Variants in CSF1R observed in about 807,000 individuals in gnomAD.
The protein encoded by CSF1R is colony stimulating factor 1 receptor.
CSF1R carries 40 observed loss-of-function variants against 110.0 expected under a neutral mutation model. The ratio of observed to expected loss-of-function variants is 0.36; its 90% confidence interval spans 0.28 to 0.47. The LOEUF (loss-of-function observed/expected upper bound fraction) is 0.47. Ranked by LOEUF, CSF1R falls within the 20% of genes least tolerant of loss-of-function variation. CSF1R has a pLI of 0.99. For missense variants in CSF1R, 1,052 were observed against 1,253.0 expected (o/e 0.84, Z 2.42); for synonymous variants, 523 against 503.4 (o/e 1.04, Z -0.52).
chr5:150,079,927 A>C, intron 3 of CSF1R, 125 bp downstream of exon 3: 1 of 1,140,826 alleles, frequency 8.8e-7, no homozygotes, highest in Non-Finnish European at 1.2e-6. Flanking sequence ...TGAGGGGAAG[A>C]AGTGAAAGAA....
In CSF1R at chr5:150,094,834, C is replaced by T; in HGVS notation, c.-180-8227G>A. The T allele has an allele frequency of 2.3e-5, 29 of 1,286,668 alleles. 2 individuals are homozygous for T. The highest frequency in any genetic ancestry group is 3.2e-5 in the Non-Finnish European group (29 of 910,192). 79.7% of individuals were successfully genotyped at this position (1,286,668 alleles called of 1,614,324 possible). On this transcript the variant is annotated intron_variant, in intron 1 of 21. Transcript: ENST00000286301. ...ACAGATAACGCTTTGATTGCTCGAT[C>T]TCTTGGTAAATACGGCATCATCTGC...
In CSF1R at chr5:150,053,307, G is replaced by GTTAGT. The variant is rs1238245970; in HGVS notation, c.*757_*761dup. On this transcript the variant is annotated 3_prime_UTR_variant, in exon 21 of 21. Transcript: ENST00000675795. The stretch of plus-strand genomic sequence containing the variant: ...ACCAGAGGCTGACTGCATTAATGCT[G>GTTAGT]TTAGTTTAATGTGGACAGAGACATC... 8.6e-6 allele frequency: 2 copies of GTTAGT among 232,896 alleles called. No homozygotes were observed. Among genetic ancestry groups the GTTAGT allele is most frequent in the Non-Finnish European group, 1.7e-5 (2 of 117,628 alleles). 14.4% of individuals were successfully genotyped at this position (232,896 alleles called of 1,614,324 possible). A position where few individuals can be genotyped will look rare whatever the true frequency, so the allele number is the denominator to read the frequency against.
rs768818550 is a variant in CSF1R at position 150,073,390 on chromosome 5, C to T, written c.993G>A (p.Leu331=). The T allele has an allele frequency of 4.3e-5, 70 of 1,614,002 alleles. No homozygotes were observed. Among genetic ancestry groups the T allele is most frequent in the Non-Finnish European group, 5.8e-5 (69 of 1,180,014 alleles). Residue 331 remains leucine, a synonymous_variant, in exon 6 of 21, where the codon CTG becomes CTA. Transcript: ENST00000675795. The stretch of plus-strand genomic sequence containing the variant: ...CCAGGTAGGTCCAGTTAAAACCTTG[C>T]AGGCCTGGGTAGGCCTCCACCATGA... The part of the protein sequence containing the change: ...LKVMVEAYPG[L]QGFNWTYLGP...
At chr5:150,082,746 T>A (rs1758606906) in intron 1 of CSF1R, among the ~76,000 whole-genome samples, 3 of 152,212 alleles carry the variant, frequency 2.0e-5, no homozygotes, top group Non-Finnish European at 4.4e-5. Context: ...TTCTGTCTGA[T>A]GGGAATAATC....
At position 150,057,551 on chromosome 5, in the gene CSF1R, T is replaced by C. The variant is rs1021454741; in HGVS notation, c.2174A>G (p.Glu725Gly). The C allele has an allele frequency of 4.3e-6, 7 of 1,614,088 alleles. No individual in the cohort carries two copies. Among genetic ancestry groups the C allele is most frequent in the Non-Finnish European group, 5.1e-6 (6 of 1,180,048 alleles). The change falls in exon 15 of 21, where the codon GAG (glutamate) becomes GGG (glycine). Residue 725 changes from glutamate to glycine, a missense_variant. This residue lies in a region of CSF1R where 124 missense variants were observed against 117.7 expected (regional missense o/e 1.05). Coordinates refer to ENST00000675795, the MANE Select transcript of CSF1R (RefSeq NM_001288705.3). Reference protein sequence around the residue: ...FSSQGVDTYVEMRPVSTSSND... With the variant: ...FSSQGVDTYVGMRPVSTSSND... ...TGAAGAAGTGGAGACAGGCCTCATC[T>C]CCACATAGGTGTCCACACCCTGGCT...
intron 14 of CSF1R, 128 bp downstream of exon 14, chr5:150,059,570 GAC>G (rs1757406762): frequency 9.4e-7 from 1 of 1,061,518 alleles, no homozygotes; most frequent in Non-Finnish European, 1.4e-6. Flanking sequence ...TACTTCCCAT[GAC>G]ACAGGTGGCA....
chr5:150,084,457 A>G (rs535211313), intron 1 of CSF1R, among the ~76,000 whole-genome samples: 2 of 87,324 alleles, frequency 2.3e-5, no homozygotes, highest in South Asian at 6.5e-4. Flanking sequence ...GAAGGAAGGA[A>G]GAAAGAAAGG....
chr5:150,083,170 G>C (rs546947647), intron 1 of CSF1R, among the ~76,000 whole-genome samples: 37 of 151,984 alleles, frequency 2.4e-4, no homozygotes, highest in Non-Finnish European at 2.9e-5. Context: ...CCTCGGGGTG[G>C]GGGCATGGGC....
intron 16 of CSF1R, 112 bp from the exon 17 acceptor site, chr5:150,056,453 AAC>A: frequency 7.2e-7 from 1 of 1,394,458 alleles, no homozygotes; most frequent in Non-Finnish European, 9.8e-7. Context: ...TGGAGTGAAC[AAC>A]AGTTTTGGTC....
At position 150,057,236 on chromosome 5, in the gene CSF1R, C is replaced by T. The variant is rs145711151; in HGVS notation, c.2319+51G>A. 257 of 1,541,068 alleles carry T rather than the reference C, an allele frequency of 1.7e-4. 1 individual carries two copies. The African/African-American group carries it at 3.2e-3, about 19-fold the overall frequency. ...TCCCCATCGTCACTCATCCAGCCTC[C>T]CCGGAGCACAGACCTGGGTGGCTAT... On this transcript the variant is annotated intron_variant, in intron 16 of 20. Coordinates refer to ENST00000675795, the MANE Select transcript of CSF1R (RefSeq NM_001288705.3).
At chr5:150,057,983 C>G (rs1371076024) in intron 14 of CSF1R, among the ~76,000 whole-genome samples, 1 of 152,186 alleles carries the variant, frequency 6.6e-6, no homozygotes, top group East Asian at 1.9e-4. Context: ...GACAGTGCCT[C>G]ACACCCCTGG....
At chr5:150,109,491 G>A (rs1389292610) in intron 1 of CSF1R, among the ~76,000 whole-genome samples, 1 of 152,132 alleles carries the variant, frequency 6.6e-6, no homozygotes, top group African/African-American at 2.4e-5. Context: ...AAGTCCTCTG[G>A]GTGTTTCTGG....
intron 1 of CSF1R, among the ~76,000 whole-genome samples, chr5:150,107,697 C>T (rs1017616984): frequency 1.3e-5 from 2 of 152,248 alleles, no homozygotes; most frequent in African/African-American, 4.8e-5. Context: ...TAAAGGGGAA[C>T]AGCCTAGGCT....
At chr5:150,094,060 T>C (rs1759133397) in intron 1 of CSF1R, among the ~76,000 whole-genome samples, 2 of 117,608 alleles carry the variant, frequency 1.7e-5, no homozygotes, top group Non-Finnish European at 3.5e-5. Flanking sequence ...TGAAATTCCA[T>C]CTCAAAAAAA....
chr5:150,096,558 A>T (rs1759230224), intron 1 of CSF1R, among the ~76,000 whole-genome samples: 1 of 152,256 alleles, frequency 6.6e-6, no homozygotes, highest in Admixed American at 6.5e-5. Flanking sequence ...AATATCCCTT[A>T]TGAAAATAGA....
At chr5:150,059,653 C>G (rs770370580) in intron 14 of CSF1R, 47 bp downstream of exon 14, 1 of 1,600,334 alleles carries the variant, frequency 6.2e-7, no homozygotes, top group Non-Finnish European at 8.5e-7. Flanking sequence ...AGACTCGGAT[C>G]CTGCCTCCCA....
chr5:150,084,096 G>A (rs1758687982), intron 1 of CSF1R, among the ~76,000 whole-genome samples: 1 of 151,968 alleles, frequency 6.6e-6, no homozygotes, highest in Non-Finnish European at 1.5e-5. Context: ...CAGCACTTTG[G>A]GACGCCAAGG....
chr5:150,061,418 G>T, intron 12 of CSF1R, 73 bp downstream of exon 12: 1 of 1,284,160 alleles, frequency 7.8e-7, no homozygotes, highest in Non-Finnish European at 1.1e-6. Context: ...GATGCCTCTT[G>T]TGACACCAGG....
chr5:150,070,426 C>T, intron 7 of CSF1R, 30 bp downstream of exon 7: 1 of 1,554,888 alleles, frequency 6.4e-7, no homozygotes, highest in Non-Finnish European at 8.7e-7. Flanking sequence ...AGGGCCTCCG[C>T]CCCAGGTGGC....
Sources: allele counts gnomAD v4.1 joint callset (sites outside exome capture counted in the v4.1 genomes callset), GRCh38; gene constraint gnomAD v4.1.1; regional missense constraint gnomAD v4.1.1; transcripts MANE v1.5; gene names NCBI Gene and HGNC (gene_info 2026-07-23, HGNC 2026-07-21).